NAV2: variants seen among roughly 807,000 people sequenced by gnomAD.
NAV2 encodes the protein neuron navigator 2.
Under a neutral mutation model 223.2 loss-of-function variants are expected in NAV2, and 54 were observed. The observed-to-expected ratio is 0.24, with a 90% confidence interval of 0.19 to 0.30. The LOEUF is 0.30. Among genes scored for constraint, NAV2 ranks in the 10% least tolerant of loss-of-function variants. The pLI is 1.00. For missense variants in NAV2, 2,806 were observed against 3,147.5 expected, an observed-to-expected ratio of 0.89 and a Z score of 2.60; for synonymous variants, 1,279 against 1,239.3, an observed-to-expected ratio of 1.03 and a Z score of -0.67.
chr11:19,633,340 G>T (rs577995819), intron 1 of NAV2, among the ~76,000 whole-genome samples: 1 of 152,390 alleles, frequency 6.6e-6, no homozygotes, highest in South Asian at 2.1e-4. Flanking sequence ...CAGACAGAGA[G>T]GGAGGTCCCT....
intron 22 of NAV2, among the ~76,000 whole-genome samples, chr11:20,072,671 C>T (rs2059478160): frequency 6.6e-6 from 1 of 152,074 alleles, no homozygotes; most frequent in Non-Finnish European, 1.5e-5. Flanking sequence ...AGTTGTATTC[C>T]TAGGTATTTT....
intron 3 of NAV2, among the ~76,000 whole-genome samples, chr11:19,861,100 T>C (rs2061754797): frequency 1.3e-5 from 1 of 74,986 alleles, no homozygotes; most frequent in Non-Finnish European, 2.5e-5. Flanking sequence ...TAAACAGATA[T>C]TGGAGAGGGA....
In NAV2 at chr11:19,880,058, A is replaced by C. The variant is rs770962584; in HGVS notation, c.701A>C (p.Gln234Pro). 1.2e-4 allele frequency: 195 copies of C among 1,613,270 alleles called. No individual in the cohort carries two copies. The highest frequency in any genetic ancestry group is 1.5e-4 in the Non-Finnish European group (181 of 1,179,576). The change falls in exon 5 of 38, where the codon CAA becomes CCA. Residue 234 changes from glutamine (Q) to proline (P), a missense_variant. Gln to Pro is a moderately conservative substitution (Grantham distance 76). This residue lies in a region of NAV2 where 1,167 missense variants were observed against 1,180.5 expected (regional missense o/e 0.99). Coordinates refer to ENST00000349880, the MANE Select transcript of NAV2 (RefSeq NM_145117.5). ...TPQQQVPVTP[Q>P]APCQPHQPAP... is the part of the protein sequence containing the mutation. ...CAGCAGCAGGTGCCAGTCACTCCCC[A>C]AGCCCCGTGCCAGCCTCACCAGCCA...
At chr11:19,730,925 A>C (rs1376029943) in intron 1 of NAV2, among the ~76,000 whole-genome samples, 1 of 152,242 alleles carries the variant, frequency 6.6e-6, no homozygotes, top group Non-Finnish European at 1.5e-5. Context: ...TGATGAAAAA[A>C]TTTTAATTAT....
intron 36 of NAV2, among the ~76,000 whole-genome samples, chr11:20,111,650 T>A (rs1407645970): frequency 6.6e-6 from 1 of 152,238 alleles, no homozygotes; most frequent in Non-Finnish European, 1.5e-5. Flanking sequence ...CCTTTCTCTG[T>A]GCCCAGGGCA....
intron 1 of NAV2, among the ~76,000 whole-genome samples, chr11:19,779,575 T>C (rs2056578309): frequency 6.6e-6 from 1 of 152,254 alleles, no homozygotes; most frequent in South Asian, 2.1e-4. Flanking sequence ...TGGTTTGAAT[T>C]CCAGCCTTGC....
chr11:19,380,472 G>A (rs1848800064), intron 1 of NAV2: 1 of 152,212 alleles, frequency 6.6e-6, no homozygotes, highest in African/African-American at 2.4e-5. Flanking sequence ...TTCTGAGTAG[G>A]TTACCATGAG....
At chr11:19,992,088 C>G (rs1306969837) in intron 11 of NAV2, among the ~76,000 whole-genome samples, 6 of 152,234 alleles carry the variant, frequency 3.9e-5, no homozygotes, top group Non-Finnish European at 1.5e-5. Flanking sequence ...TTCTTTCCAT[C>G]CCCTTTCCTC....
intron 17 of NAV2, among the ~76,000 whole-genome samples, chr11:20,052,785 C>T (rs886671258): frequency 6.6e-6 from 1 of 152,176 alleles, no homozygotes; most frequent in Non-Finnish European, 1.5e-5. Context: ...AGCTCACCCA[C>T]TCCATACACA....
At chr11:19,786,115 T>G (rs1170279850) in intron 1 of NAV2, among the ~76,000 whole-genome samples, 1 of 152,256 alleles carries the variant, frequency 6.6e-6, no homozygotes. Flanking sequence ...TTCCCAGAAG[T>G]GTTTTAGATT....
chr11:19,938,813 G>A (rs1459848756), intron 7 of NAV2, among the ~76,000 whole-genome samples: 2 of 152,202 alleles, frequency 1.3e-5, no homozygotes, highest in Non-Finnish European at 2.9e-5. Flanking sequence ...AGAACAGTTG[G>A]ATGACTTGAG....
At chr11:19,636,741 A>G (rs2047513929) in intron 1 of NAV2, among the ~76,000 whole-genome samples, 1 of 152,094 alleles carries the variant, frequency 6.6e-6, no homozygotes, top group South Asian at 2.1e-4. Context: ...CAGTGCTGGG[A>G]TTATAGGCGT....
chr11:19,877,323 T>G (rs1016942319), intron 4 of NAV2, among the ~76,000 whole-genome samples: 2 of 152,116 alleles, frequency 1.3e-5, no homozygotes, highest in African/African-American at 2.4e-5. Context: ...TAAAAGGCAC[T>G]AAAAGTAAAT....
At chr11:19,458,716 C>T (rs1332149745) in intron 1 of NAV2, among the ~76,000 whole-genome samples, 2 of 152,232 alleles carry the variant, frequency 1.3e-5, no homozygotes, top group East Asian at 1.9e-4. Context: ...TGAGCCCATG[C>T]TTTTAACCAG....
rs550737808 is a variant in NAV2 at position 19,659,441 on chromosome 11, G to C, written c.76-173043G>C. Among the ~76,000 whole-genome samples the C allele has an allele frequency of 5.3e-5, 8 of 152,316 alleles. No individual in the cohort carries two copies. The South Asian group carries it at 1.7e-3, about 32-fold the overall frequency. On this transcript the variant is annotated intron_variant, in intron 1 of 37. Coordinates refer to the NAV2 transcript ENST00000360655. ...AGAAGGGTCTTAAGTGGGAGTTAAC[G>C]TGCTGGGGGGTGATGTGCTCTAATT...
intron 3 of NAV2, among the ~76,000 whole-genome samples, chr11:19,860,925 G>T (rs1028862242): frequency 4.6e-4 from 70 of 151,884 alleles, no homozygotes; most frequent in Admixed American, 1.2e-3. Flanking sequence ...CAGGCACTCG[G>T]CAGGCTGAGG....
chr11:19,402,139 C>T (rs1230808906), intron 1 of NAV2, among the ~76,000 whole-genome samples: 1 of 152,208 alleles, frequency 6.6e-6, no homozygotes, highest in Non-Finnish European at 1.5e-5. Context: ...GCTCCTGACA[C>T]ATCATCCTAA....
chr11:19,609,647 G>A (rs2046579849), intron 1 of NAV2, among the ~76,000 whole-genome samples: 1 of 152,164 alleles, frequency 6.6e-6, no homozygotes. Flanking sequence ...TGTACCCCAA[G>A]GGCTAAGCAG....
intron 1 of NAV2, among the ~76,000 whole-genome samples, chr11:19,396,429 T>C (rs1015146064): frequency 2.0e-5 from 3 of 152,120 alleles, no homozygotes; most frequent in African/African-American, 7.2e-5. Flanking sequence ...CCCATGAGGG[T>C]GTCTACACAG....
Sources: gnomAD v4.1 joint callset for allele counts (sites outside exome capture counted in the v4.1 genomes callset) on GRCh38, gnomAD v4.1.1 for gene constraint, gnomAD v4.1.1 regional missense constraint, MANE v1.5 for transcripts, NCBI Gene and HGNC (gene_info 2026-07-23, HGNC 2026-07-21) for gene names.